The following SLC14A2 variants were observed in gnomAD, a reference collection of about 807,000 sequenced individuals.
The protein encoded by SLC14A2 is solute carrier family 14 member 2.
SLC14A2 carries 91 observed loss-of-function variants against 104.6 expected under a neutral mutation model. The ratio of observed to expected loss-of-function variants is 0.87; its 90% CI spans 0.73 to 1.04. The LOEUF is 1.04. SLC14A2 is among the 50% of genes least tolerant of loss of function. The pLI is 0.00. For missense variants in SLC14A2, 1,189 were observed against 1,156.0 expected, an observed-to-expected ratio of 1.03 and a Z score of -0.41; for synonymous variants, 476 against 466.4, an observed-to-expected ratio of 1.02 and a Z score of -0.27.
rs763183719 is a variant in SLC14A2, at chr18:45,376,013, T to A, written c.-124-107220T>A. On this transcript the variant is annotated intron_variant, in intron 1 of 20. Coordinates refer to the SLC14A2 transcript ENST00000586448. Reference sequence around the variant, plus strand: ...GTTATTCAATCAGGCAGTTAACCATTGCCCAATTTGGAAGAGTAGCCATGT... The same window carrying A: ...GTTATTCAATCAGGCAGTTAACCATAGCCCAATTTGGAAGAGTAGCCATGT... Among the ~76,000 whole-genome samples the A allele has an allele frequency of 5.7e-4, 86 of 151,902 alleles. 1 individual carries two copies. The highest frequency in any genetic ancestry group is 1.3e-3 in the Admixed American group (20 of 15,254).
At chr18:45,568,650 C>T (rs1281186749) in intron 2 of SLC14A2, among the ~76,000 whole-genome samples, 1 of 152,210 alleles carries the variant, frequency 6.6e-6, no homozygotes, top group Non-Finnish European at 1.5e-5. Context: ...AAGGCAGCTC[C>T]TTTGTCACCT....
intron 1 of SLC14A2, among the ~76,000 whole-genome samples, chr18:45,271,818 C>T (rs187953770): frequency 5.9e-5 from 9 of 152,036 alleles, no homozygotes; most frequent in Non-Finnish European, 8.8e-5. Flanking sequence ...TATATCGAAC[C>T]GCAAAAGACC....
chr18:45,530,378 A>G (rs1378526229), intron 2 of SLC14A2, among the ~76,000 whole-genome samples: 1 of 152,222 alleles, frequency 6.6e-6, no homozygotes, highest in Non-Finnish European at 1.5e-5. Flanking sequence ...ATTAAATAAG[A>G]CAAAAATATC....
intron 1 of SLC14A2, among the ~76,000 whole-genome samples, chr18:45,397,169 G>A (rs1480843085): frequency 6.6e-6 from 1 of 152,128 alleles, no homozygotes; most frequent in Non-Finnish European, 1.5e-5. Flanking sequence ...ATATTCCTCT[G>A]ATATATACCC....
Position 45,627,148 on chromosome 18 carries a change from G to A in SLC14A2, c.521+1G>A. On this transcript the variant is annotated splice_donor_variant, in intron 4 of 19. Transcript: ENST00000255226. LOFTEE classifies it high-confidence loss of function. ...CAGCTCTCGCCTTGGGCCAAGACAGGTGGGTCCCTCTCTATAGGGATTTTA... is the reference window on the plus strand; with the variant it reads ...CAGCTCTCGCCTTGGGCCAAGACAGATGGGTCCCTCTCTATAGGGATTTTA... 1 of 1,613,742 alleles carries A rather than the reference G, an allele frequency of 6.2e-7. No homozygotes were observed. Among genetic ancestry groups the A allele is most frequent in the Non-Finnish European group, 8.5e-7 (1 of 1,179,636 alleles).
intron 5 of SLC14A2, among the ~76,000 whole-genome samples, chr18:45,635,794 G>C (rs1285045212): frequency 1.3e-5 from 2 of 152,224 alleles, no homozygotes; most frequent in African/African-American, 4.8e-5. Flanking sequence ...CAAAGAAAAA[G>C]AAGAGATTGA....
At chr18:45,339,082 G>C (rs556594440) in intron 1 of SLC14A2, among the ~76,000 whole-genome samples, 1 of 151,796 alleles carries the variant, frequency 6.6e-6, no homozygotes, top group Non-Finnish European at 1.5e-5. Flanking sequence ...GATTACAGGT[G>C]TGTGCCACCA....
chr18:45,495,901 C>T (rs755477722), intron 2 of SLC14A2, among the ~76,000 whole-genome samples: 6 of 152,302 alleles, frequency 3.9e-5, no homozygotes, highest in Middle Eastern at 3.4e-3. Flanking sequence ...CCTTGGCAAG[C>T]GCCAACTCCC....
intron 2 of SLC14A2, among the ~76,000 whole-genome samples, chr18:45,488,190 G>T (rs1212858262): frequency 6.6e-6 from 1 of 152,170 alleles, no homozygotes; most frequent in African/African-American, 2.4e-5. Flanking sequence ...GTATGAACAT[G>T]AGAGCAAGAG....
chr18:45,449,264 T>G (rs193072379), intron 1 of SLC14A2, among the ~76,000 whole-genome samples: 21 of 152,214 alleles, frequency 1.4e-4, no homozygotes, highest in African/African-American at 4.3e-4. Context: ...AGCATATAGA[T>G]TGAGACTTTC....
intron 1 of SLC14A2, among the ~76,000 whole-genome samples, chr18:45,355,624 G>A (rs940546494): frequency 1.3e-5 from 2 of 150,012 alleles, no homozygotes; most frequent in Non-Finnish European, 3.0e-5. Context: ...TAGCTGCCAG[G>A]GCAGTTGGGG....
intron 1 of SLC14A2, among the ~76,000 whole-genome samples, chr18:45,481,051 G>C (rs2087483185): frequency 1.3e-5 from 2 of 152,032 alleles, no homozygotes; most frequent in South Asian, 2.1e-4. Context: ...GCACTGGCAG[G>C]GTTGTCAGAC....
At chr18:45,451,434 A>G (rs2144612706) in intron 1 of SLC14A2, among the ~76,000 whole-genome samples, 1 of 152,048 alleles carries the variant, frequency 6.6e-6, no homozygotes, top group South Asian at 2.1e-4. Flanking sequence ...AAAGGAAGGA[A>G]AAATAACTAT....
intron 1 of SLC14A2, among the ~76,000 whole-genome samples, chr18:45,616,887 C>T (rs2045079968): frequency 6.6e-6 from 1 of 152,130 alleles, no homozygotes; most frequent in South Asian, 2.1e-4. Flanking sequence ...TGCCTGAGCT[C>T]AGGAGTCTGA....
intron 1 of SLC14A2, among the ~76,000 whole-genome samples, chr18:45,263,677 T>G (rs1280325273): frequency 6.6e-6 from 1 of 152,240 alleles, no homozygotes; most frequent in Non-Finnish European, 1.5e-5. Context: ...AGTGTTTATG[T>G]ATATCGGTTT....
rs372346500 is a variant in SLC14A2 at position 45,457,244 on chromosome 18, A to G, written c.-124-25989A>G. ...TTATTTAAGACTGGATCAATAGAGT[A>G]CAGTAAACAACTATAGCCCTTTTTC... On this transcript the variant is annotated intron_variant, in intron 1 of 20. Coordinates refer to the SLC14A2 transcript ENST00000586448. 4.3e-4 allele frequency among the ~76,000 whole-genome samples: 66 copies of G among 152,304 alleles called. 1 individual carries two copies. The South Asian group carries it at 0.013, about 31-fold the overall frequency.
In SLC14A2 at chr18:45,666,920, C is replaced by T. The variant is rs569999486; in HGVS notation, c.1558-15C>T. On this transcript the variant is annotated splice_polypyrimidine_tract_variant and intron_variant, in intron 12 of 19. Transcript: ENST00000255226. ...CCGAATGTGGGAGACTCTTGCCTAT[C>T]TCTGTCCTGGACAGGATCTGGACAC... 3 of 1,611,838 alleles carry T rather than the reference C, an allele frequency of 1.9e-6. No individual in the cohort carries two copies. Among genetic ancestry groups the T allele is most frequent in the Non-Finnish European group, 2.5e-6 (3 of 1,178,326 alleles).
At chr18:45,208,569 G>T (rs1280182300), upstream of SLC14A2, among the ~76,000 whole-genome samples, 1 of 152,182 alleles carries the variant, frequency 6.6e-6, no homozygotes, top group Non-Finnish European at 1.5e-5. Context: ...GGGGACTCAG[G>T]AATGTGTGTG....
At chr18:45,357,886 C>G (rs1016285209) in intron 1 of SLC14A2, among the ~76,000 whole-genome samples, 6 of 152,214 alleles carry the variant, frequency 3.9e-5, no homozygotes, top group East Asian at 3.9e-4. Flanking sequence ...ACCACAAATG[C>G]AAAAATAAAT....
Sources: gnomAD v4.1 joint callset for allele counts (sites outside exome capture counted in the v4.1 genomes callset) on GRCh38, gnomAD v4.1.1 for gene constraint, MANE v1.5 for transcripts, NCBI Gene and HGNC (gene_info 2026-07-23, HGNC 2026-07-21) for gene names.